FER: variants seen among roughly 807,000 people sequenced by gnomAD.
FER encodes the protein tyrosine-protein kinase Fer.
FER carries 63 observed loss-of-function variants against 111.0 expected under a neutral mutation model. That is an observed-to-expected ratio of 0.57 (90% confidence interval 0.46 to 0.70). The LOEUF is 0.70. Ranked by LOEUF, FER falls within the 30% of genes least tolerant of loss-of-function variation. FER has a pLI of 0.00. For synonymous variants in FER, 327 were observed against 313.9 expected (o/e 1.04, Z -0.44); for missense variants, 914 against 954.0 (o/e 0.96, Z 0.55).
intron 16 of FER, among the ~76,000 whole-genome samples, chr5:109,087,661 T>G (rs1322541810): frequency 6.6e-6 from 1 of 151,392 alleles, no homozygotes; most frequent in African/African-American, 2.4e-5. Context: ...AAAAAAAGTT[T>G]CCAATCCTCG....
intron 3 of FER, chr5:108,820,351 A>C (rs1324440203): frequency 1.0e-6 from 1 of 985,264 alleles, no homozygotes; most frequent in Non-Finnish European, 1.2e-6. Flanking sequence ...TTTTGGTAGG[A>C]GAAAACTGCT....
chr5:108,902,761 T>C (rs899334982), intron 10 of FER, among the ~76,000 whole-genome samples: 1 of 152,198 alleles, frequency 6.6e-6, no homozygotes, highest in Admixed American at 6.5e-5. Flanking sequence ...GATTATTTTA[T>C]ATAATAGTTC....
At chr5:109,059,853 C>G (rs1271760695) in intron 16 of FER, among the ~76,000 whole-genome samples, 1 of 152,122 alleles carries the variant, frequency 6.6e-6, no homozygotes, top group Non-Finnish European at 1.5e-5. Context: ...AAATAAAAAC[C>G]TCTGTCCGTG....
chr5:108,785,677 A>G (rs1754629920), intron 2 of FER: 1 of 337,098 alleles, frequency 3.0e-6, no homozygotes, highest in Non-Finnish European at 5.8e-6. Flanking sequence ...TGAGGTTCCT[A>G]GTTAATCTCT....
intron 15 of FER, among the ~76,000 whole-genome samples, chr5:109,045,743 G>A (rs1315460562): frequency 6.6e-6 from 1 of 152,208 alleles, no homozygotes; most frequent in Middle Eastern, 3.2e-3. Context: ...ATTGGTGGAA[G>A]GGGAAATGGG....
At chr5:108,781,201 G>A (rs960500638) in intron 2 of FER, among the ~76,000 whole-genome samples, 28 of 151,908 alleles carry the variant, frequency 1.8e-4, no homozygotes, top group Admixed American at 1.0e-3. Context: ...TTTTTTGTTT[G>A]TTTGTTTGAG....
At chr5:109,043,285 C>G (rs1267553881) in intron 14 of FER, among the ~76,000 whole-genome samples, 1 of 152,126 alleles carries the variant, frequency 6.6e-6, no homozygotes, top group Non-Finnish European at 1.5e-5. Context: ...TCAGCTCTAC[C>G]TCTGATGTAA....
chr5:108,860,099 G>A (rs1056681058), intron 5 of FER, among the ~76,000 whole-genome samples: 5 of 151,578 alleles, frequency 3.3e-5, no homozygotes, highest in South Asian at 2.1e-4. Flanking sequence ...GCACCACCAC[G>A]CCCAGCTAAT....
intron 5 of FER, among the ~76,000 whole-genome samples, chr5:108,839,489 T>A (rs1252051157): frequency 6.6e-6 from 1 of 151,170 alleles, no homozygotes; most frequent in African/African-American, 2.4e-5. Flanking sequence ...AAATATCCAA[T>A]GGGTTTTTAA....
chr5:109,161,453 C>T (rs1343459775), intron 17 of FER, among the ~76,000 whole-genome samples: 2 of 151,994 alleles, frequency 1.3e-5, no homozygotes, highest in Admixed American at 6.6e-5. Flanking sequence ...GTATTGTTCC[C>T]CTCTATGTAT....
At chr5:109,052,430 G>GT (rs1392435952) in intron 16 of FER, 1 of 1,483,582 alleles carries the variant, frequency 6.7e-7, no homozygotes, top group Non-Finnish European at 9.4e-7. Flanking sequence ...TTGTCAAGGA[G>GT]TTTGCCTAAA....
chr5:109,096,564 T>C (rs1439987116), intron 16 of FER, among the ~76,000 whole-genome samples: 14 of 151,988 alleles, frequency 9.2e-5, no homozygotes, highest in Admixed American at 8.6e-4. Context: ...TTATGTGATG[T>C]CATGTTTATG....
At chr5:108,819,056 CT>C (rs1412580758) in intron 3 of FER, among the ~76,000 whole-genome samples, 1 of 152,064 alleles carries the variant, frequency 6.6e-6, no homozygotes, top group African/African-American at 2.4e-5. Context: ...AGCTCTGTCG[CT>C]TAGGCTGGAG....
chr5:108,920,737 CT>C (rs1167076898), intron 10 of FER, among the ~76,000 whole-genome samples: 1 of 152,044 alleles, frequency 6.6e-6, no homozygotes, highest in Non-Finnish European at 1.5e-5. Context: ...TTCCCTTGCC[CT>C]TTGTAAATTT....
At chr5:109,001,976 T>G (rs894094506) in intron 13 of FER, among the ~76,000 whole-genome samples, 3 of 151,886 alleles carry the variant, frequency 2.0e-5, no homozygotes, top group Admixed American at 6.6e-5. Context: ...TAAAAGAGGA[T>G]ACAAACAAAT....
At chr5:108,877,966 C>T (rs1037554123) in intron 8 of FER, among the ~76,000 whole-genome samples, 41 of 151,824 alleles carry the variant, frequency 2.7e-4, no homozygotes, top group Admixed American at 1.2e-3. Flanking sequence ...AGTGCAGTGG[C>T]GCAATCTCTG....
intron 2 of FER, among the ~76,000 whole-genome samples, chr5:108,773,154 C>A (rs891721258): frequency 2.6e-5 from 4 of 152,090 alleles, no homozygotes; most frequent in South Asian, 2.1e-4. Context: ...GTAGGGATAA[C>A]TTTTAAGTAG....
intron 13 of FER, among the ~76,000 whole-genome samples, chr5:108,994,805 C>T (rs1196536639): frequency 6.6e-6 from 1 of 152,034 alleles, no homozygotes; most frequent in African/African-American, 2.4e-5. Flanking sequence ...GTTTGTAGTT[C>T]TCCTTGAAGA....
At chr5:109,173,242 A>G (rs1757324324) in intron 17 of FER, among the ~76,000 whole-genome samples, 1 of 152,234 alleles carries the variant, frequency 6.6e-6, no homozygotes, top group Non-Finnish European at 1.5e-5. Context: ...AGTATTTTCC[A>G]TAAGTGATTC....
Sources: gnomAD v4.1 joint callset for allele counts (sites outside exome capture counted in the v4.1 genomes callset) on GRCh38, gnomAD v4.1.1 for gene constraint, MANE v1.5 for transcripts, NCBI Gene and HGNC (gene_info 2026-07-23, HGNC 2026-07-21) for gene names.